Variants in CDH23 observed in about 807,000 individuals in gnomAD.
CDH23 encodes cadherin related 23, also known as cadherin-23.
A neutral mutation model predicts 317.1 loss-of-function variants in CDH23; 189 were observed. The observed-to-expected ratio is 0.60, with a 90% confidence interval of 0.53 to 0.67. The LOEUF is 0.67. Ranked by LOEUF, CDH23 falls within the 30% of genes least tolerant of loss-of-function variation. The pLI is 0.00. For missense variants in CDH23, 4,401 were observed against 4,592.4 expected, an observed-to-expected ratio of 0.96 and a Z score of 1.20; for synonymous variants, 1,839 against 1,876.8, an observed-to-expected ratio of 0.98 and a Z score of 0.52.
chr10:71,735,756 G>A (rs974154042), intron 34 of CDH23, among the ~76,000 whole-genome samples: 2 of 152,220 alleles, frequency 1.3e-5, no homozygotes, highest in Admixed American at 1.3e-4. Context: ...CACTGGTTGT[G>A]GCTGGGCCAT....
intron 3 of CDH23, among the ~76,000 whole-genome samples, chr10:71,465,248 C>T (rs535955934): frequency 1.3e-5 from 2 of 152,352 alleles, no homozygotes; most frequent in East Asian, 1.9e-4. Context: ...AAGTCTGTTG[C>T]ACAGCGCTGG....
intron 3 of CDH23, among the ~76,000 whole-genome samples, chr10:71,471,206 A>G (rs150848559): frequency 6.6e-6 from 1 of 152,314 alleles, no homozygotes; most frequent in Non-Finnish European, 1.5e-5. Flanking sequence ...CTGCACTGCC[A>G]TCTGCGCGCA....
intron 14 of CDH23, among the ~76,000 whole-genome samples, chr10:71,660,532 A>C (rs1665620): frequency 0.18 from 27,902 of 152,020 alleles, 2,997 homozygotes; most frequent in East Asian, 0.35. Flanking sequence ...GGAAATGAAA[A>C]AGGGAACCTC....
chr10:71,425,894 A>G (rs1458138973), intron 1 of CDH23, among the ~76,000 whole-genome samples: 1 of 152,212 alleles, frequency 6.6e-6, no homozygotes, highest in Non-Finnish European at 1.5e-5. Flanking sequence ...AGGACACAGG[A>G]TGGAAGCTGC....
chr10:71,564,945 A>C (rs991420951), intron 6 of CDH23, among the ~76,000 whole-genome samples: 1 of 152,264 alleles, frequency 6.6e-6, no homozygotes, highest in Non-Finnish European at 1.5e-5. Flanking sequence ...ACAAATACCC[A>C]CAAAACAGTA....
chr10:71,526,440 G>A (rs866203160), intron 6 of CDH23, among the ~76,000 whole-genome samples: 4 of 152,196 alleles, frequency 2.6e-5, no homozygotes, highest in Non-Finnish European at 4.4e-5. Flanking sequence ...TGAGGTGGGC[G>A]GAGGCCCCAA....
intron 3 of CDH23, among the ~76,000 whole-genome samples, chr10:71,465,514 C>A (rs2132071972): frequency 6.6e-6 from 1 of 152,366 alleles, no homozygotes; most frequent in Admixed American, 6.5e-5. Flanking sequence ...GGCCCTGAGC[C>A]ATCGAGTGCC....
intron 14 of CDH23, among the ~76,000 whole-genome samples, chr10:71,657,458 T>C (rs1413228482): frequency 6.6e-6 from 1 of 152,238 alleles, no homozygotes; most frequent in Non-Finnish European, 1.5e-5. Flanking sequence ...CTGCTTCTGA[T>C]AGCATCCATT....
At chr10:71,716,788 G>T (rs960151176) in intron 28 of CDH23, 50 of 164,472 alleles carry the variant, frequency 3.0e-4, no homozygotes, top group Admixed American at 1.3e-4. Context: ...TGCAAACTGG[G>T]GGCCCACGGG....
At chr10:71,629,783 A>T (rs1453593372) in intron 11 of CDH23, among the ~76,000 whole-genome samples, 1 of 152,192 alleles carries the variant, frequency 6.6e-6, no homozygotes, top group Non-Finnish European at 1.5e-5. Context: ...AAATCCACAG[A>T]CACGGGAAGC....
At chr10:71,549,555 C>T (rs1222631330) in intron 6 of CDH23, among the ~76,000 whole-genome samples, 1 of 152,190 alleles carries the variant, frequency 6.6e-6, no homozygotes, top group Non-Finnish European at 1.5e-5. Context: ...AATCATGTGC[C>T]AACTCCAGGC....
intron 11 of CDH23, among the ~76,000 whole-genome samples, chr10:71,625,511 T>C (rs1191892135): frequency 6.6e-6 from 1 of 151,100 alleles, no homozygotes; most frequent in Non-Finnish European, 1.5e-5. Flanking sequence ...GGGGAGACTG[T>C]TCTTGTTCTC....
chr10:71,561,166 C>A (rs143978181), intron 6 of CDH23, among the ~76,000 whole-genome samples: 65 of 152,148 alleles, frequency 4.3e-4, no homozygotes, highest in African/African-American at 1.5e-3. Flanking sequence ...TCCTTTCTCC[C>A]CAAGTTTCCT....
intron 14 of CDH23, among the ~76,000 whole-genome samples, chr10:71,651,554 A>AG (rs1863173185): frequency 2.2e-5 from 1 of 46,148 alleles, no homozygotes; most frequent in Non-Finnish European, 5.7e-5. Context: ...ACCCTATCTC[A>AG]AAAAAAAAAA....
chr10:71,794,479 G>A lies in CDH23; in HGVS notation c.6712+839G>A, dbSNP rs1032774517. The A allele has an allele frequency of 2.6e-5, 4 of 152,228 alleles. 1 individual carries two copies. Among genetic ancestry groups the A allele is most frequent in the African/African-American group, 9.7e-5 (4 of 41,450 alleles). The allele number at this position is 152,228 out of a possible 1,614,324, so 9.4% of individuals were successfully genotyped here. A position where few individuals can be genotyped will look rare whatever the true frequency, so the allele number is the denominator to read the frequency against. On this transcript the variant is annotated intron_variant, in intron 48 of 69. Transcript: ENST00000224721. ...CACAATGTATGTAGTTTATTGTAAT[G>A]CTGATGGTTTTATCATTTTCCCAAA... is the stretch of plus-strand genomic sequence containing the variant.
intron 6 of CDH23, among the ~76,000 whole-genome samples, chr10:71,524,982 A>T (rs1293674658): frequency 1.3e-5 from 2 of 152,196 alleles, no homozygotes; most frequent in Non-Finnish European, 2.9e-5. Flanking sequence ...GTCTCAGCTC[A>T]CTGCAACCTC....
intron 42 of CDH23, 24 bp downstream of exon 42, chr10:71,784,444 T>C: frequency 1.2e-6 from 2 of 1,607,606 alleles, no homozygotes; most frequent in Non-Finnish European, 1.7e-6. Context: ...CCCCACCCGC[T>C]GGCTTCACCT....
In CDH23 at chr10:71,779,324, G is replaced by T; in HGVS notation, c.5245G>T (p.Glu1749Ter). ...DNVPTFPRDYEGPFEVTEGQP... is the reference protein window; with the variant it reads ...DNVPTFPRDY ...TGTGCCTACCTTCCCCCGGGACTAT[G>T]AGGGACCATTTGAAGTCACTGAGGG... is the stretch of plus-strand genomic sequence containing the variant. The change falls in exon 41 of 70, where the codon GAG (glutamate) becomes TAG (stop). Residue 1749 changes from glutamate to a stop codon, truncating the protein, a stop_gained. Transcript: ENST00000224721. LOFTEE classifies it high-confidence loss of function. The T allele has an allele frequency of 6.2e-7, 1 of 1,614,050 alleles. No homozygotes were observed. Among genetic ancestry groups the T allele is most frequent in the Non-Finnish European group, 8.5e-7 (1 of 1,179,902 alleles).
intron 1 of CDH23, among the ~76,000 whole-genome samples, chr10:71,424,689 A>C (rs569953529): frequency 2.0e-5 from 3 of 152,302 alleles, no homozygotes; most frequent in Non-Finnish European, 2.9e-5. Context: ...TTCATGATTC[A>C]TCCAGTGCTC....
Sources: allele counts gnomAD v4.1 joint callset (sites outside exome capture counted in the v4.1 genomes callset), GRCh38; gene constraint gnomAD v4.1.1; transcripts MANE v1.5; gene names NCBI Gene and HGNC (gene_info 2026-07-23, HGNC 2026-07-21).